Variants in COBL observed in about 807,000 individuals in gnomAD.
COBL encodes the protein protein cordon-bleu.
In COBL, 51 loss-of-function variants were observed where a neutral mutation model predicts 98.8. That is an observed-to-expected ratio of 0.52 (90% CI 0.41 to 0.65). COBL has a LOEUF of 0.65. Among genes scored for constraint, COBL ranks in the 30% least tolerant of loss-of-function variants. COBL has a pLI of 0.00. For synonymous variants in COBL, 634 were observed against 651.7 expected (o/e 0.97, Z 0.41); for missense variants, 1,617 against 1,617.5 (o/e 1.00, Z 0.01).
At chr7:51,173,556 C>T (rs1053122280) in intron 5 of COBL, among the ~76,000 whole-genome samples, 1 of 152,192 alleles carries the variant, frequency 6.6e-6, no homozygotes, top group African/African-American at 2.4e-5. Context: ...AAATATCTCA[C>T]TCCATATGAT....
chr7:51,124,984 T>G (rs567898007), intron 6 of COBL, among the ~76,000 whole-genome samples: 17 of 152,246 alleles, frequency 1.1e-4, no homozygotes, highest in African/African-American at 4.1e-4. Context: ...GCTAATTTCT[T>G]CGTATTTTTA....
chr7:51,305,512 A>G (rs942705441), intron 1 of COBL, among the ~76,000 whole-genome samples: 1 of 152,232 alleles, frequency 6.6e-6, no homozygotes, highest in African/African-American at 2.4e-5. Flanking sequence ...AACTTGGTGC[A>G]TGTCATTTAG....
chr7:51,130,665 C>T (rs1489278730), intron 6 of COBL, among the ~76,000 whole-genome samples: 2 of 152,224 alleles, frequency 1.3e-5, no homozygotes, highest in African/African-American at 2.4e-5. Flanking sequence ...CTGCCTCCCC[C>T]TGGGTGTCCT....
intron 2 of COBL, among the ~76,000 whole-genome samples, chr7:51,212,677 G>A (rs574207608): frequency 6.6e-6 from 1 of 152,322 alleles, no homozygotes; most frequent in South Asian, 2.1e-4. Context: ...CTCATTCTTA[G>A]GACTGCGTAC....
intron 5 of COBL, among the ~76,000 whole-genome samples, chr7:51,183,284 G>T (rs949382470): frequency 6.6e-6 from 1 of 152,116 alleles, no homozygotes; most frequent in South Asian, 2.1e-4. Context: ...CTGAGCTAGT[G>T]GAATTAAAAC....
chr7:51,243,868 G>C (rs1796048168), intron 1 of COBL, among the ~76,000 whole-genome samples: 1 of 152,158 alleles, frequency 6.6e-6, no homozygotes, highest in African/African-American at 2.4e-5. Context: ...GGGCACCCGT[G>C]CCAGTGTCCT....
intron 2 of COBL, 47 bp downstream of exon 2, chr7:51,219,690 CTATA>C: frequency 1.9e-6 from 3 of 1,576,434 alleles, no homozygotes; most frequent in Non-Finnish European, 2.6e-6. Flanking sequence ...ATTCTCCCCG[CTATA>C]CTCGCAAAGT....
chr7:51,268,621 A>G (rs561608787), intron 1 of COBL, among the ~76,000 whole-genome samples: 1 of 152,222 alleles, frequency 6.6e-6, no homozygotes, highest in East Asian at 1.9e-4. Flanking sequence ...TGTGGAAATA[A>G]GAACACAGGT....
chr7:51,277,009 T>C (rs1394390804), intron 1 of COBL, among the ~76,000 whole-genome samples: 1 of 152,018 alleles, frequency 6.6e-6, no homozygotes. Context: ...CAGAAGACAA[T>C]GACACAGCCC....
intron 5 of COBL, among the ~76,000 whole-genome samples, chr7:51,177,166 G>A (rs970926566): frequency 6.6e-6 from 1 of 152,124 alleles, no homozygotes; most frequent in Non-Finnish European, 1.5e-5. Context: ...CTGGGGACAC[G>A]TGGATGTCTG....
chr7:51,057,774 A>G (rs1182184089), intron 7 of COBL, among the ~76,000 whole-genome samples: 2 of 152,066 alleles, frequency 1.3e-5, no homozygotes, highest in African/African-American at 4.8e-5. Context: ...AATAACCTAC[A>G]TGAGATGCTG....
chr7:51,277,665 G>C (rs1799432209), intron 1 of COBL, among the ~76,000 whole-genome samples: 1 of 152,090 alleles, frequency 6.6e-6, no homozygotes, highest in African/African-American at 2.4e-5. Flanking sequence ...GGCTGCTAGA[G>C]AGATACAAGG....
chr7:51,018,091 C>A (rs1253481433), intron 12 of COBL, among the ~76,000 whole-genome samples: 1 of 152,148 alleles, frequency 6.6e-6, no homozygotes, highest in African/African-American at 2.4e-5. Flanking sequence ...TGGTGTCTGG[C>A]ACATGGTAAG....
chr7:51,124,378 C>A (rs1282387019), intron 6 of COBL, among the ~76,000 whole-genome samples: 1 of 152,150 alleles, frequency 6.6e-6, no homozygotes. Flanking sequence ...TAAAATATGA[C>A]CAGCAGAGAT....
intron 8 of COBL, chr7:51,035,713 T>C (rs1588283962): frequency 6.6e-6 from 1 of 152,354 alleles, no homozygotes; most frequent in South Asian, 2.1e-4. Context: ...ATAATTAATA[T>C]AAAATTATTT....
intron 2 of COBL, among the ~76,000 whole-genome samples, chr7:51,205,614 TTTTG>T (rs1393774985): frequency 1.3e-5 from 2 of 150,690 alleles, no homozygotes; most frequent in African/African-American, 4.9e-5. Flanking sequence ...CTGGGCAGTT[TTTTG>T]TTTGTTTGTT....
At chr7:51,154,445 A>G (rs1193118918) in intron 5 of COBL, among the ~76,000 whole-genome samples, 1 of 152,246 alleles carries the variant, frequency 6.6e-6, no homozygotes, top group Admixed American at 6.5e-5. Flanking sequence ...GGGAGCAAAT[A>G]GGATTCTAAT....
In COBL at chr7:51,025,214, C is replaced by T; in HGVS notation, c.3663G>A (p.Arg1221=). The T allele has an allele frequency of 6.5e-7, 1 of 1,539,672 alleles. No homozygotes were observed. Among genetic ancestry groups the T allele is most frequent in the African/African-American group, 1.4e-5 (1 of 72,008 alleles). Residue 1221 remains arginine, a synonymous_variant, in exon 12 of 13, where the codon AGG becomes AGA. Coordinates refer to ENST00000265136, the MANE Select transcript of COBL (RefSeq NM_015198.5). Reference sequence around the variant, plus strand: ...TGCCCGTGCTGAACCTGGAGGCCGTCCTTGGTGCAGAGAGAGCCTGGGAGG... The same window carrying T: ...TGCCCGTGCTGAACCTGGAGGCCGTTCTTGGTGCAGAGAGAGCCTGGGAGG... ...PPPSQALSAP[R]TASRFSTGTL...
At chr7:51,057,097 T>A (rs912338345) in intron 7 of COBL, among the ~76,000 whole-genome samples, 5 of 152,156 alleles carry the variant, frequency 3.3e-5, no homozygotes, top group African/African-American at 1.2e-4. Flanking sequence ...CACTTAGCAG[T>A]GGTCTTGGTT....
Sources: allele counts gnomAD v4.1 joint callset (sites outside exome capture counted in the v4.1 genomes callset), GRCh38; gene constraint gnomAD v4.1.1; transcripts MANE v1.5; gene names NCBI Gene and HGNC (gene_info 2026-07-23, HGNC 2026-07-21).